Variants in CMTM4 observed in about 807,000 individuals in gnomAD.
CMTM4 encodes the protein CKLF like MARVEL transmembrane domain containing 4, also known as CKLF-like MARVEL transmembrane domain-containing protein 4.
Under a neutral mutation model 19.0 loss-of-function variants are expected in CMTM4, and 8 were observed. The ratio of observed to expected loss-of-function variants is 0.42; its 90% CI spans 0.25 to 0.76. CMTM4 has a LOEUF of 0.76. Ranked by LOEUF, CMTM4 falls within the 30% of genes least tolerant of loss-of-function variation. The pLI, the probability that CMTM4 is intolerant of heterozygous loss-of-function variation, is 0.27. For missense variants in CMTM4, 228 were observed against 290.2 expected (o/e 0.79, Z 1.56); for synonymous variants, 106 against 121.1 (o/e 0.88, Z 0.82).
chr16:66,677,276 C>T (rs1398993714), intron 1 of CMTM4, among the ~76,000 whole-genome samples: 1 of 152,190 alleles, frequency 6.6e-6, no homozygotes, highest in Non-Finnish European at 1.5e-5. Context: ...CCAGTGACGC[C>T]AGGCATGGCA....
intron 2 of CMTM4, among the ~76,000 whole-genome samples, chr16:66,627,018 G>C (rs2015754393): frequency 6.6e-6 from 1 of 152,158 alleles, no homozygotes; most frequent in African/African-American, 2.4e-5. Flanking sequence ...TAGGAAGATT[G>C]TTTGAGCCCA....
intron 1 of CMTM4, among the ~76,000 whole-genome samples, chr16:66,694,229 TCTACAAA>T (rs1307219550): frequency 6.6e-6 from 1 of 152,124 alleles, no homozygotes; most frequent in Non-Finnish European, 1.5e-5. Context: ...TAACTAACAG[TCTACAAA>T]CTAGATTTCA....
Position 66,621,898 on chromosome 16 carries a change from C to G in CMTM4, c.*160G>C. 7.0e-7 allele frequency: 1 copy of G among 1,432,850 alleles called. No homozygotes were observed. Among genetic ancestry groups the G allele is most frequent in the Non-Finnish European group, 9.1e-7 (1 of 1,096,056 alleles). 88.8% of individuals were successfully genotyped at this position (1,432,850 alleles called of 1,614,324 possible). On this transcript the variant is annotated 3_prime_UTR_variant, in exon 4 of 4. Coordinates refer to ENST00000394106, the MANE Select transcript of CMTM4 (RefSeq NM_181521.3). ...TGGGCCTCCCAACTCCACCGCGGAC[C>G]CGCCCACTGGGCCACTCGGGAAACC...
rs769515027 is a variant in CMTM4 at position 66,636,431 on chromosome 16, T to G, written c.337A>C (p.Ile113Leu). The G allele has an allele frequency of 6.2e-7, 1 of 1,614,102 alleles. No homozygotes were observed. Among genetic ancestry groups the G allele is most frequent in the Non-Finnish European group, 8.5e-7 (1 of 1,180,000 alleles). Residue 113 changes from isoleucine (I) to leucine (L), a missense_variant, in exon 2 of 4, where the codon ATC (isoleucine) becomes CTC (leucine). Around this residue, in one of 3 missense-constraint regions of CMTM4, gnomAD observed 200 missense variants for 226.6 expected, o/e 0.88. Coordinates refer to ENST00000394106, the MANE Select transcript of CMTM4 (RefSeq NM_181521.3). The stretch of plus-strand genomic sequence containing the variant: ...GTCAGATTCCAGTTGATCTGGGGGA[T>G]CCTCATGTGCAGGTTGAGACTGAAC... Reference protein sequence around the residue: ...IMFSLNLHMRIPQINWNLTDL... With the variant: ...IMFSLNLHMRLPQINWNLTDL...
the CMTM4 span, chr16:66,604,806 A>G: frequency 3.2e-6 from 4 of 1,253,036 alleles, no homozygotes; most frequent in Non-Finnish European, 4.0e-6. Flanking sequence ...CGCCGCCGCC[A>G]TGTGGCCCCC....
In CMTM4 at chr16:66,622,202, A is replaced by G. The variant is rs374639194; in HGVS notation, c.483T>C (p.Thr161=). The G allele has an allele frequency of 8.1e-5, 131 of 1,613,936 alleles. No individual in the cohort carries two copies. The highest frequency in any genetic ancestry group is 6.6e-4 in the Middle Eastern group (4 of 6,062). The change falls in exon 4 of 4, where the codon ACT becomes ACC. Residue 161 remains threonine (T), a synonymous_variant. Coordinates refer to ENST00000394106, the MANE Select transcript of CMTM4 (RefSeq NM_181521.3). This position sits in a 1 kb window ranked among gnomAD's most constrained non-coding sequence, Gnocchi z 4.0. ...IAAVIFGFLA[T]AAYAVNTFLA... is the part of the protein sequence containing the mutation. Reference sequence around the variant, plus strand: ...GGAATGTGTTCACTGCATATGCCGCAGTCGCCAAGAAGCCAAATATCTAAA... The same window carrying G: ...GGAATGTGTTCACTGCATATGCCGCGGTCGCCAAGAAGCCAAATATCTAAA...
At chr16:66,695,885 C>T (rs1024424146) in intron 1 of CMTM4, among the ~76,000 whole-genome samples, 1 of 152,214 alleles carries the variant, frequency 6.6e-6, no homozygotes, top group Non-Finnish European at 1.5e-5. Context: ...CGCCTGGCAC[C>T]CAGCTAGACA....
At position 66,620,132 on chromosome 16, in the gene CMTM4, A is replaced by C; in HGVS notation, c.*1926T>G. The C allele has an allele frequency of 2.0e-6, 2 of 985,454 alleles. No homozygotes were observed. Among genetic ancestry groups the C allele is most frequent in the Non-Finnish European group, 1.2e-6 (1 of 829,922 alleles). 61.0% of individuals were successfully genotyped at this position (985,454 alleles called of 1,614,324 possible). A position where few individuals can be genotyped will look rare whatever the true frequency, so the allele number is the denominator to read the frequency against. On this transcript the variant is annotated 3_prime_UTR_variant, in exon 4 of 4. Coordinates refer to ENST00000394106, the MANE Select transcript of CMTM4 (RefSeq NM_181521.3). ...TTGGGGGCCAAGTAACATGATTCCCAGCAGGAGATTTCTGATAAAGCTCAG... is the reference window on the plus strand; with the variant it reads ...TTGGGGGCCAAGTAACATGATTCCCCGCAGGAGATTTCTGATAAAGCTCAG...
chr16:66,655,040 G>A (rs546294396), intron 1 of CMTM4, among the ~76,000 whole-genome samples: 8 of 152,162 alleles, frequency 5.3e-5, no homozygotes, highest in African/African-American at 1.9e-4. Flanking sequence ...CTGTCACCCA[G>A]GCTAGAGTGT....
chr16:66,688,235 A>G (rs2017071490), intron 1 of CMTM4, among the ~76,000 whole-genome samples: 1 of 152,160 alleles, frequency 6.6e-6, no homozygotes, highest in Non-Finnish European at 1.5e-5. Context: ...TCCACCTCTT[A>G]ATACTATCAC....
intron 1 of CMTM4, among the ~76,000 whole-genome samples, chr16:66,679,546 G>A (rs971767728): frequency 5.9e-5 from 9 of 152,020 alleles, no homozygotes; most frequent in East Asian, 1.9e-4. Flanking sequence ...TGATGAGGCC[G>A]GGCATGGTGG....
chr16:66,599,592 C>T, the CMTM4 span, among the ~76,000 whole-genome samples: 1 of 152,100 alleles, frequency 6.6e-6, no homozygotes, highest in East Asian at 1.9e-4. Context: ...AACTCTTGGG[C>T]TCAAGTGATC....
chr16:66,614,074 G>A (rs890444827), downstream of CMTM4, among the ~76,000 whole-genome samples: 29 of 152,176 alleles, frequency 1.9e-4, no homozygotes, highest in Admixed American at 1.8e-3. The surrounding 1 kb of genome is among the most constrained non-coding windows in gnomAD (Gnocchi z 4.9). Flanking sequence ...ACCTAGATCC[G>A]TAGCATGCAC....
At chr16:66,693,592 G>A (rs1015322283) in intron 1 of CMTM4, among the ~76,000 whole-genome samples, 3 of 152,184 alleles carry the variant, frequency 2.0e-5, no homozygotes, top group Admixed American at 6.6e-5. Context: ...ATTTGAAGTT[G>A]CCATACCCTT....
chr16:66,659,960 A>G (rs373166763), intron 1 of CMTM4, among the ~76,000 whole-genome samples: 4 of 152,220 alleles, frequency 2.6e-5, no homozygotes, highest in African/African-American at 7.2e-5. Flanking sequence ...CAAAAAACTC[A>G]AATCTCCACA....
intron 1 of CMTM4, among the ~76,000 whole-genome samples, chr16:66,675,230 G>A (rs978558609): frequency 4.0e-5 from 6 of 150,646 alleles, no homozygotes; most frequent in African/African-American, 9.8e-5. Context: ...ACAGGCATGC[G>A]CCAACATGCC....
intron 2 of CMTM4, among the ~76,000 whole-genome samples, chr16:66,634,529 T>A (rs999885089): frequency 6.6e-6 from 1 of 151,998 alleles, no homozygotes; most frequent in Non-Finnish European, 1.5e-5. Flanking sequence ...ATCTGAAGCA[T>A]GAAGTCTTTT....
intron 1 of CMTM4, among the ~76,000 whole-genome samples, chr16:66,679,592 G>A (rs2016870105): frequency 6.6e-6 from 1 of 152,056 alleles, no homozygotes; most frequent in African/African-American, 2.4e-5. Flanking sequence ...GGGAGGCCGA[G>A]GTGGGCAGAT....
chr16:66,618,197 C>A lies in CMTM4; in HGVS notation c.*3861G>T, dbSNP rs1357709971. On this transcript the variant is annotated 3_prime_UTR_variant, in exon 4 of 4. Coordinates refer to ENST00000394106, the MANE Select transcript of CMTM4 (RefSeq NM_181521.3). ...TGGCAGTCCCTGGAGCAGGAAGCAA[C>A]TTGTTATTCTGCTCAAGAGAATCCA... The A allele has an allele frequency of 2.0e-6, 2 of 985,342 alleles. No individual in the cohort carries two copies. The highest frequency in any genetic ancestry group is 1.2e-4 in the Admixed American group (2 of 16,270). The allele number at this position is 985,342 out of a possible 1,614,324, so 61.0% of individuals were successfully genotyped here. A position where few individuals can be genotyped will look rare whatever the true frequency, so the allele number is the denominator to read the frequency against.
Sources: gnomAD v4.1 joint callset for allele counts (sites outside exome capture counted in the v4.1 genomes callset) on GRCh38, gnomAD v4.1.1 for gene constraint, gnomAD v4.1.1 regional missense constraint, Gnocchi (gnomAD v3.1) non-coding constraint, MANE v1.5 for transcripts, NCBI Gene and HGNC (gene_info 2026-07-23, HGNC 2026-07-21) for gene names.